PDE3A: variants seen among roughly 807,000 people sequenced by gnomAD.
The protein encoded by PDE3A is phosphodiesterase 3A.
In PDE3A, 43 loss-of-function variants were observed where a neutral mutation model predicts 98.3. That is an observed-to-expected ratio of 0.44 (90% CI 0.34 to 0.56). The LOEUF (loss-of-function observed/expected upper bound fraction) is 0.56. Among genes scored for constraint, PDE3A ranks in the 20% least tolerant of loss-of-function variants. The probability of loss-of-function intolerance (pLI) is 0.01; values close to 1 mark genes in which losing one functional copy is unlikely to be tolerated. For missense variants in PDE3A, 1,427 were observed against 1,440.7 expected (o/e 0.99, Z 0.15); for synonymous variants, 663 against 567.9 (o/e 1.17, Z -2.38).
At chr12:20,391,435 C>T (rs535613860) in intron 1 of PDE3A, among the ~76,000 whole-genome samples, 10 of 148,142 alleles carry the variant, frequency 6.8e-5, no homozygotes, top group African/African-American at 9.9e-5. Context: ...TATACAATTC[C>T]GGACCGTTGA....
At chr12:20,466,339 A>G (rs1036698424) in intron 1 of PDE3A, among the ~76,000 whole-genome samples, 1 of 152,232 alleles carries the variant, frequency 6.6e-6, no homozygotes, top group Admixed American at 6.5e-5. Flanking sequence ...ATTATGAAGC[A>G]TATAAACAAA....
intron 15 of PDE3A, among the ~76,000 whole-genome samples, chr12:20,677,230 T>C (rs752389973): frequency 6.6e-6 from 1 of 152,166 alleles, no homozygotes; most frequent in Non-Finnish European, 1.5e-5. Context: ...AATTTCTCAT[T>C]CATATTATGA....
At chr12:20,678,427 T>C (rs1436752825) in intron 15 of PDE3A, among the ~76,000 whole-genome samples, 1 of 152,190 alleles carries the variant, frequency 6.6e-6, no homozygotes, top group Non-Finnish European at 1.5e-5. Flanking sequence ...GCCTACCGTC[T>C]TGAAGACACC....
Position 20,616,315 on chromosome 12 carries a change from C to G in PDE3A, c.1355C>G (p.Thr452Ser). 1 of 1,614,066 alleles carries G rather than the reference C, an allele frequency of 6.2e-7. No individual in the cohort carries two copies. Among genetic ancestry groups the G allele is most frequent in the Non-Finnish European group, 8.5e-7 (1 of 1,179,976 alleles). ...ACCACCTCGGCCACAGGTCTACCCACCTTGGAGCCTGCACCAGTACGGAGA... is the reference window on the plus strand; with the variant it reads ...ACCACCTCGGCCACAGGTCTACCCAGCTTGGAGCCTGCACCAGTACGGAGA... ...TTTTSATGLP[T>S]LEPAPVRRDR... The change falls in exon 4 of 16, where the codon ACC (threonine) becomes AGC (serine). Residue 452 changes from threonine to serine, a missense_variant. Physicochemically the swap from Thr to Ser is moderately conservative, Grantham distance 58. This residue lies in a region of PDE3A where 1,012 missense variants were observed against 886.5 expected (regional missense o/e 1.14). Transcript: ENST00000359062.
At chr12:20,539,605 G>A (rs1003086631) in intron 1 of PDE3A, among the ~76,000 whole-genome samples, 1 of 152,088 alleles carries the variant, frequency 6.6e-6, no homozygotes, top group Non-Finnish European at 1.5e-5. Context: ...CTTGGTGCAG[G>A]ATAGGTGCTC....
rs374927412 is a variant in PDE3A at position 20,659,156 on chromosome 12, T to C, written c.3184+4951T>C. Reference sequence around the variant, plus strand: ...CCATCTCATGAAGAAATTATGAATATCATAATTTTTTTTTCCTTTTGACTC... The same window carrying C: ...CCATCTCATGAAGAAATTATGAATACCATAATTTTTTTTTCCTTTTGACTC... On this transcript the variant is annotated intron_variant, in intron 15 of 15. Coordinates refer to ENST00000359062, the MANE Select transcript of PDE3A (RefSeq NM_000921.5). Among the ~76,000 whole-genome samples the C allele has an allele frequency of 5.3e-5, 8 of 152,248 alleles. No individual in the cohort carries two copies. The East Asian group carries it at 1.5e-3, about 29-fold the overall frequency.
chr12:20,687,586 A>G lies in PDE3A; in HGVS notation c.*7315A>G. ...TACCATTTTTGTTCCAACAAGAACA[A>G]TCTGTTAGTTGATAAGCACTGGTAA... On this transcript the variant is annotated 3_prime_UTR_variant, in exon 16 of 16. Transcript: ENST00000359062. 6.6e-6 allele frequency among the ~76,000 whole-genome samples: 1 copy of G among 151,984 alleles called. No homozygotes were observed. The highest frequency in any genetic ancestry group is 1.9e-4 in the East Asian group (1 of 5,168).
chr12:20,480,344 T>C (rs1174796025), intron 1 of PDE3A, among the ~76,000 whole-genome samples: 1 of 152,226 alleles, frequency 6.6e-6, no homozygotes, highest in Non-Finnish European at 1.5e-5. Flanking sequence ...GCAGGGGCCC[T>C]CTGCATTCAG....
chr12:20,524,350 A>C (rs529552721), intron 1 of PDE3A, among the ~76,000 whole-genome samples: 1 of 152,164 alleles, frequency 6.6e-6, no homozygotes, highest in Non-Finnish European at 1.5e-5. Context: ...ACCACAGCCT[A>C]GAGTAGCCAT....
At chr12:20,584,087 A>G (rs990294591) in intron 2 of PDE3A, among the ~76,000 whole-genome samples, 5 of 152,348 alleles carry the variant, frequency 3.3e-5, no homozygotes, top group African/African-American at 1.2e-4. Flanking sequence ...GAGAATCCAG[A>G]GAAAGACTGG....
rs181395368 is a variant in PDE3A, at chr12:20,519,211, T to C, written c.961-37449T>C. On this transcript the variant is annotated intron_variant, in intron 1 of 15. Transcript: ENST00000359062. ...TACTTATATTTTGAAAGTCCCTCTC[T>C]TAAAGCAAGTAGATATCATGGAGTG... 9.2e-5 allele frequency among the ~76,000 whole-genome samples: 14 copies of C among 152,294 alleles called. No individual in the cohort carries two copies. The East Asian group carries it at 2.7e-3, about 29-fold the overall frequency.
chr12:20,497,094 A>G (rs1329677665), intron 1 of PDE3A, among the ~76,000 whole-genome samples: 1 of 152,164 alleles, frequency 6.6e-6, no homozygotes, highest in Non-Finnish European at 1.5e-5. Context: ...CCTTCTTCTC[A>G]AAAAGCCAGT....
At chr12:20,662,749 T>C (rs924192974) in intron 15 of PDE3A, among the ~76,000 whole-genome samples, 2 of 152,134 alleles carry the variant, frequency 1.3e-5, no homozygotes, top group African/African-American at 2.4e-5. Flanking sequence ...AAGCTGAGCA[T>C]AAAAATTCAG....
At chr12:20,619,934 C>A (rs1229583714) in intron 4 of PDE3A, among the ~76,000 whole-genome samples, 1 of 151,954 alleles carries the variant, frequency 6.6e-6, no homozygotes, top group Non-Finnish European at 1.5e-5. Context: ...TACCCATTGC[C>A]GAATTTACTA....
At chr12:20,518,125 C>T (rs1052642750) in intron 1 of PDE3A, among the ~76,000 whole-genome samples, 6 of 152,116 alleles carry the variant, frequency 3.9e-5, no homozygotes, top group East Asian at 3.9e-4. Context: ...GGAGACACAA[C>T]GTATTTGCCC....
In PDE3A at chr12:20,613,483, G is replaced by A; in HGVS notation, c.1052G>A (p.Gly351Asp). 1 of 1,613,830 alleles carries A rather than the reference G, an allele frequency of 6.2e-7. No individual in the cohort carries two copies. Among genetic ancestry groups the A allele is most frequent in the Non-Finnish European group, 8.5e-7 (1 of 1,179,690 alleles). Reference sequence around the variant, plus strand: ...ATTACTGTGGACATCGCCGTCATGGGCGAGGCCCACGGCCTCATTACCGAC... The same window carrying A: ...ATTACTGTGGACATCGCCGTCATGGACGAGGCCCACGGCCTCATTACCGAC... ...TSITVDIAVM[G>D]EAHGLITDLL... The change falls in exon 3 of 16, where the codon GGC becomes GAC. Residue 351 changes from glycine (G) to aspartate (D), a missense_variant. Transcript: ENST00000359062.
intron 2 of PDE3A, among the ~76,000 whole-genome samples, chr12:20,605,811 T>TA (rs1943696716): frequency 6.6e-6 from 1 of 152,248 alleles, no homozygotes; most frequent in Admixed American, 6.5e-5. Context: ...CATGTAGACT[T>TA]ACGAAGAGAG....
intron 1 of PDE3A, among the ~76,000 whole-genome samples, chr12:20,475,903 C>T (rs184717835): frequency 6.6e-6 from 1 of 152,234 alleles, no homozygotes; most frequent in Non-Finnish European, 1.5e-5. Flanking sequence ...ATGCCAGAAG[C>T]TAGATAAGCA....
intron 10 of PDE3A, among the ~76,000 whole-genome samples, chr12:20,645,304 A>T (rs1330335840): frequency 6.6e-6 from 1 of 152,066 alleles, no homozygotes; most frequent in African/African-American, 2.4e-5. Context: ...TCACTTAAAG[A>T]CTGATTCCTA....
Sources: allele counts gnomAD v4.1 joint callset (sites outside exome capture counted in the v4.1 genomes callset), GRCh38; gene constraint gnomAD v4.1.1; regional missense constraint gnomAD v4.1.1; transcripts MANE v1.5; gene names NCBI Gene and HGNC (gene_info 2026-07-23, HGNC 2026-07-21).